Variants in SEMA5A observed in about 807,000 individuals in gnomAD.
SEMA5A encodes semaphorin 5A, also known as semaphorin-5A.
A neutral mutation model predicts 135.5 loss-of-function variants in SEMA5A; 55 were observed. That is an observed-to-expected ratio of 0.41 (90% CI 0.33 to 0.51). SEMA5A has a LOEUF of 0.51. Ranked by LOEUF, SEMA5A falls within the 20% of genes least tolerant of loss-of-function variation. The probability of loss-of-function intolerance (pLI) is 0.37; values close to 1 mark genes in which losing one functional copy is unlikely to be tolerated. For missense variants in SEMA5A, 1,290 were observed against 1,419.9 expected, an observed-to-expected ratio of 0.91 and a Z score of 1.47; for synonymous variants, 580 against 546.5, an observed-to-expected ratio of 1.06 and a Z score of -0.85.
intron 11 of SEMA5A, among the ~76,000 whole-genome samples, chr5:9,156,937 G>A (rs1323686386): frequency 1.3e-5 from 2 of 152,238 alleles, no homozygotes; most frequent in South Asian, 2.1e-4. Context: ...ACTTAAAAGA[G>A]TGAGCCATCT....
chr5:9,333,375 T>C (rs1236462015), intron 4 of SEMA5A, among the ~76,000 whole-genome samples: 2 of 152,230 alleles, frequency 1.3e-5, no homozygotes, highest in African/African-American at 4.8e-5. Context: ...CACTGCCTTA[T>C]GTGTCAACCA....
At chr5:9,304,440 T>C (rs1353271068) in intron 5 of SEMA5A, among the ~76,000 whole-genome samples, 1 of 152,118 alleles carries the variant, frequency 6.6e-6, no homozygotes, top group Non-Finnish European at 1.5e-5. Flanking sequence ...TTTCATACTT[T>C]ATGAATATAA....
At chr5:9,502,803 C>A (rs1471825720) in intron 1 of SEMA5A, among the ~76,000 whole-genome samples, 1 of 152,070 alleles carries the variant, frequency 6.6e-6, no homozygotes, top group Admixed American at 6.6e-5. Context: ...ATACCCTTTC[C>A]CAAAGGGTTC....
intron 3 of SEMA5A, among the ~76,000 whole-genome samples, chr5:9,369,893 C>A (rs1396729382): frequency 6.6e-6 from 1 of 152,020 alleles, no homozygotes; most frequent in Admixed American, 6.6e-5. Context: ...TTCACTTAAC[C>A]CATTCCCTGC....
intron 1 of SEMA5A, among the ~76,000 whole-genome samples, chr5:9,544,993 G>A (rs1437081363): frequency 6.6e-6 from 1 of 152,224 alleles, no homozygotes. Flanking sequence ...CCTAGCTGCA[G>A]CGCACCTGGC....
chr5:9,151,359 T>C lies in SEMA5A; in HGVS notation c.1481+3129A>G, dbSNP rs528455085. 7.9e-5 allele frequency among the ~76,000 whole-genome samples: 12 copies of C among 152,280 alleles called. No homozygotes were observed. The South Asian group carries it at 1.5e-3, about 18-fold the overall frequency. On this transcript the variant is annotated intron_variant, in intron 12 of 22. Transcript: ENST00000382496. ...CTTCAAGATTCATTTATAAGACTGG[T>C]TTTCCAATAATAAATGGCATTACTG...
intron 2 of SEMA5A, among the ~76,000 whole-genome samples, chr5:9,403,401 G>A (rs190404574): frequency 6.0e-4 from 92 of 152,166 alleles, no homozygotes; most frequent in African/African-American, 2.1e-3. Flanking sequence ...GAAAGATTAG[G>A]AAGCCCAGCT....
intron 2 of SEMA5A, among the ~76,000 whole-genome samples, chr5:9,412,525 C>T (rs1488965047): frequency 9.4e-5 from 13 of 138,928 alleles, no homozygotes; most frequent in African/African-American, 3.2e-4. Flanking sequence ...AACAGTCCCC[C>T]TTGTTATTAC....
At chr5:9,169,795 C>A (rs1452001110) in intron 11 of SEMA5A, among the ~76,000 whole-genome samples, 1 of 152,186 alleles carries the variant, frequency 6.6e-6, no homozygotes, top group African/African-American at 2.4e-5. Flanking sequence ...ACACTGCCCT[C>A]ATGATAATTA....
intron 5 of SEMA5A, among the ~76,000 whole-genome samples, chr5:9,293,212 G>A (rs1170757641): frequency 6.6e-6 from 1 of 151,596 alleles, no homozygotes; most frequent in Non-Finnish European, 1.5e-5. Context: ...CTCTCTCCTG[G>A]AAGAATGTAG....
At chr5:9,164,819 G>A (rs1560979998) in intron 11 of SEMA5A, among the ~76,000 whole-genome samples, 1 of 152,066 alleles carries the variant, frequency 6.6e-6, no homozygotes, top group Non-Finnish European at 1.5e-5. Flanking sequence ...AGGATTTCTA[G>A]AATTTTAGCT....
chr5:9,362,029 G>T (rs750748333), intron 3 of SEMA5A, among the ~76,000 whole-genome samples: 2 of 152,198 alleles, frequency 1.3e-5, no homozygotes, highest in Non-Finnish European at 2.9e-5. Flanking sequence ...TAGAAAGCAG[G>T]CTTGAGGCCC....
At chr5:9,375,018 T>C (rs1037693364) in intron 3 of SEMA5A, among the ~76,000 whole-genome samples, 4 of 152,192 alleles carry the variant, frequency 2.6e-5, no homozygotes, top group African/African-American at 7.2e-5. Flanking sequence ...CATTTGAGGA[T>C]GGTTAAGTCA....
At position 9,363,612 on chromosome 5, in the gene SEMA5A, G is replaced by GAGAT. The variant is rs546043965; in HGVS notation, c.124+16207_124+16210dup. Reference sequence around the variant, plus strand: ...CATAATAGAATTACACATCCTTTGGGAGATATCCTTCTCTCACTTGGAGTG... The same window carrying GAGAT: ...CATAATAGAATTACACATCCTTTGGGAGATAGATATCCTTCTCTCACTTGGAGTG... On this transcript the variant is annotated intron_variant, in intron 3 of 22. Coordinates refer to ENST00000382496, the MANE Select transcript of SEMA5A (RefSeq NM_003966.3). 1.7e-3 allele frequency among the ~76,000 whole-genome samples: 262 copies of GAGAT among 152,328 alleles called. 1 individual carries two copies. Among genetic ancestry groups the GAGAT allele is most frequent in the African/African-American group, 5.8e-3 (241 of 41,570 alleles).
chr5:9,068,201 CTT>C (rs1737579740), intron 16 of SEMA5A, among the ~76,000 whole-genome samples: 2 of 152,132 alleles, frequency 1.3e-5, no homozygotes, highest in African/African-American at 4.8e-5. Context: ...TCTGAACAGT[CTT>C]TGTTTTCTGC....
chr5:9,419,476 G>A (rs961207595), intron 2 of SEMA5A, among the ~76,000 whole-genome samples: 4 of 152,190 alleles, frequency 2.6e-5, no homozygotes, highest in Admixed American at 2.0e-4. Context: ...TGGTCAGTGA[G>A]GCAAAACTGC....
intron 16 of SEMA5A, among the ~76,000 whole-genome samples, chr5:9,082,974 A>T (rs143075633): frequency 2.2e-4 from 33 of 152,338 alleles, no homozygotes; most frequent in Non-Finnish European, 2.5e-4. Flanking sequence ...TATCTTCTAA[A>T]TATGATTTTA....
At chr5:9,451,083 A>AT (rs968085743) in intron 1 of SEMA5A, among the ~76,000 whole-genome samples, 3 of 152,012 alleles carry the variant, frequency 2.0e-5, no homozygotes, top group East Asian at 1.9e-4. Context: ...CTTGTTTGTG[A>AT]TTTTTTTTCT....
chr5:9,084,467 T>C (rs1039256556), intron 16 of SEMA5A, among the ~76,000 whole-genome samples: 1 of 152,200 alleles, frequency 6.6e-6, no homozygotes, highest in Non-Finnish European at 1.5e-5. Context: ...AATTGAATCA[T>C]GAGGGCAGGT....
Sources: allele counts gnomAD v4.1 joint callset (sites outside exome capture counted in the v4.1 genomes callset), GRCh38; gene constraint gnomAD v4.1.1; transcripts MANE v1.5; gene names NCBI Gene and HGNC (gene_info 2026-07-23, HGNC 2026-07-21).